UHRF1: variants seen among roughly 807,000 people sequenced by gnomAD.
UHRF1 encodes E3 ubiquitin-protein ligase UHRF1.
In UHRF1, 9 loss-of-function variants were observed where a neutral mutation model predicts 96.5. The ratio of observed to expected loss-of-function variants is 0.09; its 90% CI spans 0.06 to 0.16. The LOEUF is 0.16. UHRF1 is among the 10% of genes least tolerant of loss of function. The probability of loss-of-function intolerance (pLI) is 1.00; values close to 1 mark genes in which losing one functional copy is unlikely to be tolerated. For synonymous variants in UHRF1, 455 were observed against 469.9 expected (o/e 0.97, Z 0.41); for missense variants, 626 against 1,131.1 (o/e 0.55, Z 6.40).
rs113305107 is a variant in UHRF1, at chr19:4,923,039, C to T, written c.154-6183C>T. On this transcript the variant is annotated intron_variant, in intron 2 of 16. Coordinates refer to ENST00000650932, the MANE Select transcript of UHRF1 (RefSeq NM_001048201.3). The stretch of plus-strand genomic sequence containing the variant: ...ACTGCAGGCCTGGCTCCCCAAGCTG[C>T]TCCTGCGGGTCAGGGGCTGCCCATT... Among the ~76,000 whole-genome samples, 1,044 of 152,102 alleles carry T rather than the reference C, an allele frequency of 6.9e-3. 14 individuals carry two copies. Among genetic ancestry groups the T allele is most frequent in the African/African-American group, 0.023 (969 of 41,520 alleles).
At chr19:4,908,447 AC>A (rs1466330080), upstream of UHRF1, among the ~76,000 whole-genome samples, 4 of 151,664 alleles carry the variant, frequency 2.6e-5, no homozygotes, top group Non-Finnish European at 5.9e-5. Flanking sequence ...ATTATATATC[AC>A]CCCTCTGACC....
At position 4,936,803 on chromosome 19, in the gene UHRF1, C is replaced by CAA. The variant is rs200751668; in HGVS notation, c.785+3861_785+3862dup. 1.4e-3 allele frequency among the ~76,000 whole-genome samples: 98 copies of CAA among 69,792 alleles called. 1 individual carries two copies. The highest frequency in any genetic ancestry group is 3.7e-3 in the African/African-American group (71 of 19,326). The allele number at this position is 69,792 out of a possible 152,430, so 45.8% of individuals were successfully genotyped here. A position where few individuals can be genotyped will look rare whatever the true frequency, so the allele number is the denominator to read the frequency against. ...GCCTAGGCAACAGCAAGAGAGTCTG[C>CAA]AAAAAAAAAAAAAAAGTGAAAAGAA... On this transcript the variant is annotated intron_variant, in intron 5 of 16. Coordinates refer to ENST00000650932, the MANE Select transcript of UHRF1 (RefSeq NM_001048201.3).
At chr19:4,912,947 A>T (rs2032341175) in intron 2 of UHRF1, among the ~76,000 whole-genome samples, 1 of 151,936 alleles carries the variant, frequency 6.6e-6, no homozygotes, top group African/African-American at 2.4e-5. Flanking sequence ...TTTTGTAGAG[A>T]TGGGGTCTTA....
At chr19:4,940,047 C>T (rs1206158433) in intron 5 of UHRF1, among the ~76,000 whole-genome samples, 1 of 150,864 alleles carries the variant, frequency 6.6e-6, no homozygotes, top group Non-Finnish European at 1.5e-5. Context: ...AACACATGGG[C>T]TTTCAGAGAC....
At chr19:4,926,908 C>G (rs893522222) in intron 2 of UHRF1, among the ~76,000 whole-genome samples, 12 of 151,930 alleles carry the variant, frequency 7.9e-5, no homozygotes, top group Non-Finnish European at 1.8e-4. Flanking sequence ...ACTAAAAATA[C>G]AAAAATTAGC....
intron 9 of UHRF1, among the ~76,000 whole-genome samples, chr19:4,945,656 GTTT>G (rs34603607): frequency 1.5e-4 from 21 of 140,312 alleles, no homozygotes; most frequent in Middle Eastern, 3.6e-3. Flanking sequence ...ACGCCAGCTG[GTTT>G]TTTTTTTTTT....
chr19:4,938,889 G>A (rs1375784442), intron 5 of UHRF1, among the ~76,000 whole-genome samples: 7 of 149,840 alleles, frequency 4.7e-5, no homozygotes, highest in Non-Finnish European at 7.4e-5. Context: ...GACCATAGGC[G>A]TGCACCACCA....
rs2033861828 is a variant in UHRF1, at chr19:4,956,561, A to C, written c.2131-148A>C. ...TGCCTGTTGGGCCTCTGTTTTTCTC[A>C]GAACGGGGACGATCATGGCCCCCGC... On this transcript the variant is annotated intron_variant, in intron 15 of 16. Transcript: ENST00000650932. 5.6e-5 allele frequency: 35 copies of C among 629,210 alleles called. 1 individual carries two copies. The South Asian group carries it at 6.5e-4, about 12-fold the overall frequency. The allele number at this position is 629,210 out of a possible 1,614,324, so 39.0% of individuals were successfully genotyped here. A position where few individuals can be genotyped will look rare whatever the true frequency, so the allele number is the denominator to read the frequency against.
At chr19:4,914,304 A>C (rs952729651) in intron 2 of UHRF1, among the ~76,000 whole-genome samples, 1 of 152,084 alleles carries the variant, frequency 6.6e-6, no homozygotes, top group African/African-American at 2.4e-5. Context: ...TGAAGTCTGC[A>C]GGCACCCAGG....
At chr19:4,933,504 C>T (rs1238357619) in intron 5 of UHRF1, among the ~76,000 whole-genome samples, 6 of 152,158 alleles carry the variant, frequency 3.9e-5, no homozygotes, top group Non-Finnish European at 7.4e-5. Flanking sequence ...AGTGAGCCAC[C>T]GTGCCTGGCC....
chr19:4,940,359 A>ATTTT (rs543779456), intron 5 of UHRF1, among the ~76,000 whole-genome samples: 2,206 of 67,066 alleles, frequency 0.033, 209 homozygotes, highest in Middle Eastern at 0.067. Flanking sequence ...TGCCTTTATG[A>ATTTT]TTTTTTTTTT....
At chr19:4,958,662 C>T (rs1324344641) in intron 16 of UHRF1, among the ~76,000 whole-genome samples, 3 of 152,188 alleles carry the variant, frequency 2.0e-5, no homozygotes, top group Non-Finnish European at 4.4e-5. Context: ...TGACCTTCCA[C>T]CTTGATCTTT....
chr19:4,952,867 A>G (rs2033755607), intron 13 of UHRF1, among the ~76,000 whole-genome samples: 1 of 152,092 alleles, frequency 6.6e-6, no homozygotes, highest in African/African-American at 2.4e-5. Flanking sequence ...TTGGCCAGCT[A>G]AGGCCCTGGG....
Position 4,950,851 on chromosome 19 carries a change from C to T in UHRF1, c.1681-8C>T, listed in dbSNP as rs1324412101. On this transcript the variant is annotated splice_polypyrimidine_tract_variant and splice_region_variant and intron_variant, in intron 12 of 16. Coordinates refer to ENST00000650932, the MANE Select transcript of UHRF1 (RefSeq NM_001048201.3). Reference sequence around the variant, plus strand: ...GATGGAGCTGACGCTGATGCCCGCTCTCTGCAGGTTGTGAAATACTGGCCC... The same window carrying T: ...GATGGAGCTGACGCTGATGCCCGCTTTCTGCAGGTTGTGAAATACTGGCCC... 6.2e-7 allele frequency: 1 copy of T among 1,613,864 alleles called. No individual in the cohort carries two copies. The highest frequency in any genetic ancestry group is 2.2e-5 in the East Asian group (1 of 44,890).
rs1262945935 is a variant in UHRF1 at position 4,946,995 on chromosome 19, A to G, written c.1411-110A>G. ...CCCCACATTCTCACCAACGCTTGTT[A>G]TTTTCTGTTTCTTTGAAAGTAGCCA... On this transcript the variant is annotated intron_variant, in intron 10 of 16. Transcript: ENST00000650932. The G allele has an allele frequency of 1.1e-4, 88 of 824,748 alleles. No individual in the cohort carries two copies. In the East Asian group the frequency reaches 2.1e-3, roughly 20 times the overall value. 51.1% of individuals were successfully genotyped at this position (824,748 alleles called of 1,614,324 possible).
intron 2 of UHRF1, among the ~76,000 whole-genome samples, chr19:4,927,897 G>A (rs2032924841): frequency 6.6e-6 from 1 of 152,236 alleles, no homozygotes; most frequent in African/African-American, 2.4e-5. Flanking sequence ...CACCAGGCAC[G>A]GGATAAACTC....
chr19:4,935,345 C>T (rs572938879), intron 5 of UHRF1, among the ~76,000 whole-genome samples: 47 of 152,308 alleles, frequency 3.1e-4, no homozygotes, highest in Non-Finnish European at 4.9e-4. Context: ...TGTGCTCGTT[C>T]ACCTTCCACC....
chr19:4,920,248 A>G (rs1186643274), intron 2 of UHRF1, among the ~76,000 whole-genome samples: 2 of 152,178 alleles, frequency 1.3e-5, no homozygotes, highest in Admixed American at 1.3e-4. Flanking sequence ...CCTGGCCAAC[A>G]TGGTGAAACC....
rs537010508 is a variant in UHRF1 at position 4,926,748 on chromosome 19, G to A, written c.154-2474G>A. Among the ~76,000 whole-genome samples, 4 of 150,746 alleles carry A rather than the reference G, an allele frequency of 2.7e-5. No homozygotes were observed. In the East Asian group the frequency reaches 7.8e-4, roughly 29 times the overall value. On this transcript the variant is annotated intron_variant, in intron 2 of 16. Transcript: ENST00000650932. ...CCACTGCCCTCCATCCTTGGCAACAGAGTGAGATCCTTTCTAAAGGAAAAA... is the reference window on the plus strand; with the variant it reads ...CCACTGCCCTCCATCCTTGGCAACAAAGTGAGATCCTTTCTAAAGGAAAAA...
Sources: gnomAD v4.1 joint callset for allele counts (sites outside exome capture counted in the v4.1 genomes callset) on GRCh38, gnomAD v4.1.1 for gene constraint, MANE v1.5 for transcripts, NCBI Gene and HGNC (gene_info 2026-07-23, HGNC 2026-07-21) for gene names.